Variants in FTO observed in about 807,000 individuals in gnomAD.
FTO encodes the protein FTO alpha-ketoglutarate dependent dioxygenase.
Under a neutral mutation model 63.9 loss-of-function variants are expected in FTO, and 47 were observed. The observed-to-expected ratio is 0.74, with a 90% CI of 0.58 to 0.94. The LOEUF (loss-of-function observed/expected upper bound fraction) is 0.94, where lower values mean the gene tolerates loss of function less well. Ranked by LOEUF, FTO falls within the 40% of genes least tolerant of loss-of-function variation. FTO has a pLI of 0.00. For synonymous variants in FTO, 207 were observed against 224.4 expected, an observed-to-expected ratio of 0.92 and a Z score of 0.69; for missense variants, 562 against 618.1, an observed-to-expected ratio of 0.91 and a Z score of 0.96.
chr16:53,872,009 G>A (rs956040419), intron 4 of FTO, among the ~76,000 whole-genome samples: 1 of 152,120 alleles, frequency 6.6e-6, no homozygotes, highest in Non-Finnish European at 1.5e-5. Context: ...TTCCAGGCAT[G>A]AGCCACTGTG....
At chr16:53,802,226 C>T (rs529396009) in intron 1 of FTO, among the ~76,000 whole-genome samples, 2 of 152,308 alleles carry the variant, frequency 1.3e-5, no homozygotes, top group Admixed American at 6.5e-5. Context: ...CTATGCACAT[C>T]TTCCTATGTA....
At chr16:53,948,541 C>G (rs1354976959) in intron 8 of FTO, among the ~76,000 whole-genome samples, 1 of 152,200 alleles carries the variant, frequency 6.6e-6, no homozygotes, top group Non-Finnish European at 1.5e-5. Flanking sequence ...GGTCTCCTGG[C>G]CAGCGGACAT....
At chr16:54,029,803 C>T (rs62034079) in intron 8 of FTO, among the ~76,000 whole-genome samples, 14,973 of 152,202 alleles carry the variant, frequency 0.098, 1,044 homozygotes, top group South Asian at 0.2. Flanking sequence ...GTGCCACAGA[C>T]TTCCTCAGTT....
At chr16:53,908,707 T>C (rs987740405) in intron 7 of FTO, among the ~76,000 whole-genome samples, 81 of 152,244 alleles carry the variant, frequency 5.3e-4, no homozygotes, top group Admixed American at 4.7e-3. Flanking sequence ...GCCACTTTCT[T>C]ATTCTTCTTG....
chr16:54,060,900 A>G (rs1445149649), intron 8 of FTO, among the ~76,000 whole-genome samples: 1 of 152,226 alleles, frequency 6.6e-6, no homozygotes, highest in Non-Finnish European at 1.5e-5. Context: ...ATCATCTATA[A>G]AAAATACTCT....
At chr16:53,964,426 A>G (rs777144066) in intron 8 of FTO, among the ~76,000 whole-genome samples, 28 of 152,244 alleles carry the variant, frequency 1.8e-4, no homozygotes, top group Non-Finnish European at 3.8e-4. Context: ...TAAGGGAACC[A>G]GAACACAACC....
chr16:54,106,555 A>T (rs1245178547), intron 8 of FTO, among the ~76,000 whole-genome samples: 1 of 141,800 alleles, frequency 7.1e-6, no homozygotes, highest in Non-Finnish European at 1.5e-5. Flanking sequence ...ATAATATTAG[A>T]TATAATTATT....
At chr16:54,051,980 A>G (rs1374592825) in intron 8 of FTO, among the ~76,000 whole-genome samples, 1 of 152,218 alleles carries the variant, frequency 6.6e-6, no homozygotes, top group Non-Finnish European at 1.5e-5. Context: ...CGGAAACCTC[A>G]GAGGACTGGA....
At chr16:53,892,938 A>G (rs1253607107) in intron 7 of FTO, among the ~76,000 whole-genome samples, 1 of 152,174 alleles carries the variant, frequency 6.6e-6, no homozygotes, top group East Asian at 1.9e-4. Flanking sequence ...CATATTTCAA[A>G]AAGTTTAGTC....
chr16:53,799,402 CT>C (rs2078163003), intron 1 of FTO, among the ~76,000 whole-genome samples: 1 of 151,968 alleles, frequency 6.6e-6, no homozygotes, highest in Non-Finnish European at 1.5e-5. Flanking sequence ...CTATCCTTTT[CT>C]TTTTCTTTTT....
chr16:53,999,355 A>G (rs1391366850), intron 8 of FTO, among the ~76,000 whole-genome samples: 1 of 152,228 alleles, frequency 6.6e-6, no homozygotes, highest in Non-Finnish European at 1.5e-5. Flanking sequence ...GAAACCCAGC[A>G]GAGGAACGGG....
intron 8 of FTO, among the ~76,000 whole-genome samples, chr16:54,090,545 A>C (rs1210942946): frequency 6.6e-6 from 1 of 152,200 alleles, no homozygotes; most frequent in Non-Finnish European, 1.5e-5. Flanking sequence ...TATTTTTGTT[A>C]TATATATTTT....
chr16:54,054,794 A>G (rs769876799), intron 8 of FTO, among the ~76,000 whole-genome samples: 1 of 152,226 alleles, frequency 6.6e-6, no homozygotes, highest in Non-Finnish European at 1.5e-5. Flanking sequence ...CAGTAATGAA[A>G]AAGGAGTGAA....
chr16:54,034,534 G>T (rs1483164186), intron 8 of FTO, among the ~76,000 whole-genome samples: 1 of 152,136 alleles, frequency 6.6e-6, no homozygotes, highest in African/African-American at 2.4e-5. Context: ...CAAATTCTGT[G>T]TACAGTAGTG....
intron 1 of FTO, among the ~76,000 whole-genome samples, chr16:53,774,201 A>G (rs1223134169): frequency 1.3e-5 from 2 of 152,162 alleles, no homozygotes; most frequent in Admixed American, 1.3e-4. Context: ...CCTTAGGCAA[A>G]CTGTTTGCCG....
intron 7 of FTO, among the ~76,000 whole-genome samples, chr16:53,924,319 A>G (rs1409953599): frequency 2.0e-5 from 3 of 152,206 alleles, no homozygotes; most frequent in Non-Finnish European, 2.9e-5. Context: ...TTCTTTCCTC[A>G]TAGACATTCT....
intron 7 of FTO, among the ~76,000 whole-genome samples, chr16:53,928,608 T>A (rs1342763026): frequency 6.6e-6 from 1 of 150,378 alleles, no homozygotes; most frequent in Non-Finnish European, 1.5e-5. Flanking sequence ...TTTCTAATAT[T>A]AAAATAGTTT....
rs1318433022 is a variant in FTO, at chr16:54,114,516, T to A, written c.*2601T>A. ...TTGCATGGATGAGCCAGCTTCACTGTCCTGGGTGGGGCCCAGGTGGAATTA... is the reference window on the plus strand; with the variant it reads ...TTGCATGGATGAGCCAGCTTCACTGACCTGGGTGGGGCCCAGGTGGAATTA... On this transcript the variant is annotated 3_prime_UTR_variant, in exon 9 of 9. Coordinates refer to ENST00000471389, the MANE Select transcript of FTO (RefSeq NM_001080432.3). 1 of 152,224 alleles carries A rather than the reference T, an allele frequency of 6.6e-6. No homozygotes were observed. The highest frequency in any genetic ancestry group is 2.4e-5 in the African/African-American group (1 of 41,448). 9.4% of individuals were successfully genotyped at this position (152,224 alleles called of 1,614,324 possible).
chr16:53,880,928 C>A (rs1228201584), intron 6 of FTO, among the ~76,000 whole-genome samples: 1 of 131,596 alleles, frequency 7.6e-6, no homozygotes, highest in Non-Finnish European at 1.6e-5. Context: ...AGTGAAACCC[C>A]GTCTCTACTA....
Sources: gnomAD v4.1 joint callset for allele counts (sites outside exome capture counted in the v4.1 genomes callset) on GRCh38, gnomAD v4.1.1 for gene constraint, MANE v1.5 for transcripts, NCBI Gene and HGNC (gene_info 2026-07-23, HGNC 2026-07-21) for gene names.